The following SFI1 variants were observed in gnomAD, a reference collection of about 807,000 sequenced individuals.
The protein encoded by SFI1 is SFI1 centrin binding protein.
SFI1 carries 195 observed loss-of-function variants against 207.5 expected under a neutral mutation model. That is an observed-to-expected ratio of 0.94 (90% CI 0.84 to 1.06). The LOEUF (loss-of-function observed/expected upper bound fraction) is 1.06. Ranked by LOEUF, SFI1 falls within the 50% of genes least tolerant of loss-of-function variation. The pLI is 0.00. For missense variants in SFI1, 1,634 were observed against 1,588.0 expected, an observed-to-expected ratio of 1.03 and a Z score of -0.49; for synonymous variants, 630 against 598.9, an observed-to-expected ratio of 1.05 and a Z score of -0.76.
At chr22:31,587,153 C>T (rs1444886711) in intron 14 of SFI1, among the ~76,000 whole-genome samples, 1 of 152,062 alleles carries the variant, frequency 6.6e-6, no homozygotes, top group Non-Finnish European at 1.5e-5. Flanking sequence ...CATATTCAGA[C>T]CTTTTTTTCT....
chr22:31,593,732 G>A (rs1249600734), intron 15 of SFI1, among the ~76,000 whole-genome samples: 3 of 150,248 alleles, frequency 2.0e-5, no homozygotes, highest in Admixed American at 1.3e-4. Context: ...ACGAGACTCC[G>A]TCTGCAATCC....
At chr22:31,543,216 C>T (rs1038668367) in intron 4 of SFI1, among the ~76,000 whole-genome samples, 6 of 152,032 alleles carry the variant, frequency 3.9e-5, no homozygotes, top group Non-Finnish European at 2.9e-5. Context: ...ATGATCCACC[C>T]GCCTTGGCCT....
At chr22:31,566,000 CTG>C (rs1657138728) in intron 8 of SFI1, among the ~76,000 whole-genome samples, 2 of 151,398 alleles carry the variant, frequency 1.3e-5, no homozygotes, top group Non-Finnish European at 2.9e-5. Flanking sequence ...GATCTATTAA[CTG>C]TGTATATTAT....
intron 2 of SFI1, among the ~76,000 whole-genome samples, chr22:31,511,785 T>C (rs1555939893): frequency 6.6e-6 from 1 of 152,028 alleles, no homozygotes; most frequent in Non-Finnish European, 1.5e-5. Context: ...CCCGAGTAAC[T>C]GGGATTACAG....
At chr22:31,525,883 G>A (rs2057859057) in intron 2 of SFI1, among the ~76,000 whole-genome samples, 1 of 152,126 alleles carries the variant, frequency 6.6e-6, no homozygotes, top group Non-Finnish European at 1.5e-5. Context: ...TTTGAAGTCT[G>A]GTGGTGTGAT....
At chr22:31,537,223 A>G (rs1223960191) in intron 4 of SFI1, among the ~76,000 whole-genome samples, 2 of 152,178 alleles carry the variant, frequency 1.3e-5, no homozygotes, top group Non-Finnish European at 2.9e-5. Context: ...CTAGCTTTAC[A>G]CAGGAAGGTG....
intron 7 of SFI1, among the ~76,000 whole-genome samples, chr22:31,560,683 G>A (rs111801950): frequency 0.011 from 1,670 of 148,182 alleles, 35 homozygotes; most frequent in African/African-American, 0.04. Flanking sequence ...GATTACAGGC[G>A]TGAGCCACCA....
intron 15 of SFI1, among the ~76,000 whole-genome samples, chr22:31,600,263 T>C (rs1382718316): frequency 2.0e-5 from 3 of 152,238 alleles, no homozygotes; most frequent in Non-Finnish European, 4.4e-5. Flanking sequence ...CAGCCTCTTA[T>C]ATTTACCCAC....
intron 27 of SFI1, chr22:31,614,370 A>C (rs1603365560): frequency 2.7e-6 from 1 of 374,922 alleles, no homozygotes; most frequent in East Asian, 6.8e-5. Flanking sequence ...TGGCTCCCAC[A>C]GCAACCAGCA....
intron 7 of SFI1, among the ~76,000 whole-genome samples, chr22:31,561,030 G>C (rs2061654248): frequency 6.6e-6 from 1 of 152,146 alleles, no homozygotes; most frequent in South Asian, 2.1e-4. Flanking sequence ...AAATCAAACT[G>C]TGTAGGTCAA....
chr22:31,520,174 T>TAA (rs749141427), intron 2 of SFI1, among the ~76,000 whole-genome samples: 5 of 134,574 alleles, frequency 3.7e-5, no homozygotes, highest in East Asian at 2.1e-4. Context: ...ACCACCTGTT[T>TAA]AAAAAAAAAA....
intron 20 of SFI1, chr22:31,605,759 G>A (rs990692076): frequency 1.3e-5 from 2 of 152,584 alleles, no homozygotes; most frequent in Non-Finnish European, 2.9e-5. Flanking sequence ...TAGGTGGGAG[G>A]GTCACTTGAA....
chr22:31,552,376 T>TC (rs1205321533), intron 6 of SFI1, among the ~76,000 whole-genome samples: 2 of 151,998 alleles, frequency 1.3e-5, no homozygotes, highest in Non-Finnish European at 2.9e-5. Flanking sequence ...CCTCAGCCTC[T>TC]CAAGTACCTG....
At chr22:31,569,096 G>T (rs745863610) in intron 8 of SFI1, among the ~76,000 whole-genome samples, 1 of 152,064 alleles carries the variant, frequency 6.6e-6, no homozygotes, top group South Asian at 2.1e-4. Flanking sequence ...GAAACCAGAG[G>T]GTTAATGAGA....
chr22:31,586,892 G>A (rs1274819034), intron 14 of SFI1, among the ~76,000 whole-genome samples: 1 of 152,206 alleles, frequency 6.6e-6, no homozygotes, highest in East Asian at 1.9e-4. Context: ...AATGGGAAGA[G>A]CACTGCTTAG....
At chr22:31,516,916 T>G (rs1002980109) in intron 2 of SFI1, among the ~76,000 whole-genome samples, 22 of 151,998 alleles carry the variant, frequency 1.4e-4, no homozygotes, top group Non-Finnish European at 2.5e-4. Flanking sequence ...ATTGCGCCAT[T>G]GCACTCCAGC....
chr22:31,521,002 CAAAAAAAAA>C (rs57346699), intron 2 of SFI1, among the ~76,000 whole-genome samples: 143 of 47,490 alleles, frequency 3.0e-3, no homozygotes, highest in Non-Finnish European at 5.3e-3. Context: ...GACCCTGTCT[CAAAAAAAAA>C]AAAAAAAAAA....
intron 22 of SFI1, 46 bp from the exon 23 acceptor site, chr22:31,611,097 G>A: frequency 6.2e-7 from 1 of 1,613,770 alleles, no homozygotes; most frequent in Non-Finnish European, 8.5e-7. Context: ...GTAGTCACTG[G>A]TGGAAATCCC....
intron 2 of SFI1, among the ~76,000 whole-genome samples, chr22:31,527,376 G>A (rs1166987074): frequency 2.0e-5 from 3 of 152,166 alleles, no homozygotes; most frequent in African/African-American, 7.2e-5. Flanking sequence ...AGAAAAAGGG[G>A]TATGTGGGAA....
Sources: allele counts gnomAD v4.1 joint callset (sites outside exome capture counted in the v4.1 genomes callset), GRCh38; gene constraint gnomAD v4.1.1; transcripts MANE v1.5; gene names NCBI Gene and HGNC (gene_info 2026-07-23, HGNC 2026-07-21).